FCRL2: variants seen among roughly 807,000 people sequenced by gnomAD.
FCRL2 encodes Fc receptor like 2.
FCRL2 carries 48 observed loss-of-function variants against 59.8 expected under a neutral mutation model. The observed-to-expected ratio is 0.80, with a 90% CI of 0.64 to 1.02. FCRL2 has a LOEUF of 1.02. Among genes scored for constraint, FCRL2 ranks in the 50% least tolerant of loss-of-function variants. The pLI is 0.00. For synonymous variants in FCRL2, 251 were observed against 229.5 expected (o/e 1.09, Z -0.85); for missense variants, 658 against 597.3 (o/e 1.10, Z -1.06).
intron 7 of FCRL2, among the ~76,000 whole-genome samples, chr1:157,765,222 C>T (rs551667549): frequency 6.6e-6 from 1 of 152,114 alleles, no homozygotes; most frequent in Non-Finnish European, 1.5e-5. Context: ...TGGAAACATA[C>T]AATTTACCAA....
At chr1:157,757,382 T>C (rs922192162) in intron 7 of FCRL2, among the ~76,000 whole-genome samples, 4 of 152,122 alleles carry the variant, frequency 2.6e-5, no homozygotes, top group Non-Finnish European at 5.9e-5. Context: ...AGTGTTCTTA[T>C]AAGAAGGGAC....
chr1:157,760,739 G>GAAAGAA (rs1406112938), intron 7 of FCRL2, among the ~76,000 whole-genome samples: 1 of 143,302 alleles, frequency 7.0e-6, no homozygotes, highest in Non-Finnish European at 1.5e-5. Flanking sequence ...AAGAAAGAAA[G>GAAAGAA]AAAGAAAGAA....
Position 157,758,358 on chromosome 1 carries a change from T to C in FCRL2, c.1279+8497A>G, listed in dbSNP as rs74119545. Among the ~76,000 whole-genome samples the C allele has an allele frequency of 5.2e-3, 786 of 152,210 alleles. 7 individuals are homozygous for C. The highest frequency in any genetic ancestry group is 0.017 in the African/African-American group (715 of 41,546). On this transcript the variant is annotated intron_variant, in intron 7 of 11. Coordinates refer to ENST00000361516, the MANE Select transcript of FCRL2 (RefSeq NM_030764.4). Reference sequence around the variant, plus strand: ...ATCTGTTTAAAAAATAAAACTTCCATTGAACTTGAGAATACTGGCTTGCAC... The same window carrying C: ...ATCTGTTTAAAAAATAAAACTTCCACTGAACTTGAGAATACTGGCTTGCAC...
chr1:157,752,418 C>T (rs1648263171), intron 7 of FCRL2, among the ~76,000 whole-genome samples: 1 of 152,212 alleles, frequency 6.6e-6, no homozygotes, highest in African/African-American at 2.4e-5. Flanking sequence ...GAGGTTTCCC[C>T]AGCCATGTGG....
intron 7 of FCRL2, among the ~76,000 whole-genome samples, chr1:157,765,427 C>A (rs1229625842): frequency 6.6e-6 from 1 of 152,208 alleles, no homozygotes; most frequent in African/African-American, 2.4e-5. Flanking sequence ...AGGCAATTCT[C>A]TCTAACCCAT....
chr1:157,753,514 G>A (rs1648356093), intron 7 of FCRL2, among the ~76,000 whole-genome samples: 1 of 152,190 alleles, frequency 6.6e-6, no homozygotes, highest in Non-Finnish European at 1.5e-5. Flanking sequence ...GTCTGGAAGT[G>A]TACTGAACAC....
chr1:157,767,205 T>C (rs763627299), intron 6 of FCRL2, 26 bp downstream of exon 6: 4 of 1,592,940 alleles, frequency 2.5e-6, no homozygotes, highest in African/African-American at 2.7e-5. Context: ...GACATCAAAC[T>C]CTGTATCCAG....
intron 2 of FCRL2, among the ~76,000 whole-genome samples, chr1:157,771,525 T>A (rs546084272): frequency 6.6e-6 from 1 of 152,324 alleles, no homozygotes; most frequent in Non-Finnish European, 1.5e-5. Context: ...ATTTTTCTCA[T>A]CCATTCAGTG....
At chr1:157,758,270 G>T (rs1016625236) in intron 7 of FCRL2, among the ~76,000 whole-genome samples, 2 of 152,172 alleles carry the variant, frequency 1.3e-5, no homozygotes, top group Non-Finnish European at 2.9e-5. Flanking sequence ...AACTGGGAAA[G>T]ATATTTTGGG....
Position 157,767,295 on chromosome 1 carries a change from G to A in FCRL2, c.1098C>T (p.Tyr366=). ...LSLTAEHSGN[Y]SCEANNGLGA... The stretch of plus-strand genomic sequence containing the variant: ...CCAGGCCGTTGTTGGCCTCACAGGA[G>A]TAGTTTCCAGAATGTTCTGCAGTCA... Residue 366 remains tyrosine, a synonymous_variant, in exon 6 of 12, where the codon TAC becomes TAT. Coordinates refer to ENST00000361516, the MANE Select transcript of FCRL2 (RefSeq NM_030764.4). The A allele has an allele frequency of 1.2e-6, 2 of 1,614,248 alleles. No homozygotes were observed. Among genetic ancestry groups the A allele is most frequent in the African/African-American group, 1.3e-5 (1 of 75,060 alleles).
chr1:157,768,508 T>G lies in FCRL2; in HGVS notation c.789A>C (p.Pro263=), dbSNP rs751530603. 21 of 1,614,220 alleles carry G rather than the reference T, an allele frequency of 1.3e-5. No individual in the cohort carries two copies. The highest frequency in any genetic ancestry group is 1.8e-5 in the Non-Finnish European group (21 of 1,180,040). Residue 263 remains proline (P), a synonymous_variant, in exon 5 of 12, where the codon CCA becomes CCC. Transcript: ENST00000361516. ...QRSLSAELEI[P]AVKESDAGKY... is the part of the protein sequence containing the mutation. Reference sequence around the variant, plus strand: ...TGCCGGCATCACTCTCTTTCACAGCTGGGATCTCCAGCTCTGCTGACAGGG... The same window carrying G: ...TGCCGGCATCACTCTCTTTCACAGCGGGGATCTCCAGCTCTGCTGACAGGG...
intron 6 of FCRL2, 59 bp from the exon 7 acceptor site, chr1:157,767,030 A>G: frequency 6.8e-7 from 1 of 1,461,652 alleles, no homozygotes; most frequent in Non-Finnish European, 9.5e-7. Flanking sequence ...CCTTCTTATA[A>G]ATGCTATATA....
At chr1:157,748,695 G>T in intron 9 of FCRL2, 77 bp from the exon 10 acceptor site, 2 of 1,324,522 alleles carry the variant, frequency 1.5e-6, no homozygotes, top group Non-Finnish European at 2.2e-6. Context: ...CCAGGCCCTG[G>T]CTTAATGATT....
At chr1:157,770,177 C>T (rs776969142) in intron 3 of FCRL2, 27 bp from the exon 4 acceptor site, 4 of 1,602,572 alleles carry the variant, frequency 2.5e-6, no homozygotes, top group Non-Finnish European at 3.4e-6. Context: ...CAATAGTCCC[C>T]AAAGCAGTGA....
intron 2 of FCRL2, chr1:157,774,455 C>CT (rs1319037258): frequency 2.2e-6 from 1 of 456,286 alleles, no homozygotes; most frequent in Non-Finnish European, 4.4e-6. Context: ...CTCTCTTACT[C>CT]TTTTTAAAAA....
chr1:157,760,349 T>G (rs1648922889), intron 7 of FCRL2, among the ~76,000 whole-genome samples: 1 of 151,940 alleles, frequency 6.6e-6, no homozygotes, highest in South Asian at 2.1e-4. Context: ...CCAGGCGTGG[T>G]GGCTCACTCA....
intron 7 of FCRL2, among the ~76,000 whole-genome samples, chr1:157,750,473 T>C (rs889394991): frequency 6.6e-6 from 1 of 152,234 alleles, no homozygotes; most frequent in Admixed American, 6.5e-5. Context: ...ACATTGCATT[T>C]GGGGATACCC....
At chr1:157,748,502 T>C (rs1356928130) in intron 10 of FCRL2, 51 bp downstream of exon 10, 1 of 1,227,658 alleles carries the variant, frequency 8.1e-7, no homozygotes, top group South Asian at 1.2e-5. Context: ...AAACAATGCA[T>C]CACTTTCCTG....
intron 2 of FCRL2, among the ~76,000 whole-genome samples, chr1:157,774,112 G>A (rs1162871429): frequency 2.0e-5 from 3 of 152,210 alleles, no homozygotes; most frequent in African/African-American, 7.2e-5. Context: ...AAAAGCAAAT[G>A]GTATTCAAAG....
Sources: gnomAD v4.1 joint callset for allele counts (sites outside exome capture counted in the v4.1 genomes callset) on GRCh38, gnomAD v4.1.1 for gene constraint, MANE v1.5 for transcripts, NCBI Gene and HGNC (gene_info 2026-07-23, HGNC 2026-07-21) for gene names.